Variants in NETO2 observed in about 807,000 individuals in gnomAD.
NETO2 encodes neuropilin and tolloid-like protein 2.
In NETO2, 28 loss-of-function variants were observed where a neutral mutation model predicts 62.5. That is an observed-to-expected ratio of 0.45 (90% CI 0.33 to 0.61). NETO2 has a LOEUF of 0.61. Among genes scored for constraint, NETO2 ranks in the 20% least tolerant of loss-of-function variants. The pLI, the probability that NETO2 is intolerant of heterozygous loss-of-function variation, is 0.02. For missense variants in NETO2, 548 were observed against 643.2 expected (o/e 0.85, Z 1.60); for synonymous variants, 214 against 219.1 (o/e 0.98, Z 0.21).
chr16:47,078,918 A>C lies in NETO2; in HGVS notation c.*4303T>G, dbSNP rs890014599. ...TAATGCATTGAAGAAATTACAGAATAAATTACATTTCAATTCAGAATGATT... is the reference window on the plus strand; with the variant it reads ...TAATGCATTGAAGAAATTACAGAATCAATTACATTTCAATTCAGAATGATT... On this transcript the variant is annotated 3_prime_UTR_variant, in exon 9 of 9. Transcript: ENST00000562435. The C allele has an allele frequency of 2.0e-5, 3 of 152,332 alleles. No homozygotes were observed. Among genetic ancestry groups the C allele is most frequent in the East Asian group, 1.9e-4 (1 of 5,186 alleles). 9.4% of individuals were successfully genotyped at this position (152,332 alleles called of 1,614,324 possible).
chr16:47,122,852 T>C lies in NETO2; in HGVS notation c.526+16A>G. ...AATCAAAAATGCCAAGAGGAACAAGTGGTAATATACTAAACCTGGAATGGG... is the reference window on the plus strand; with the variant it reads ...AATCAAAAATGCCAAGAGGAACAAGCGGTAATATACTAAACCTGGAATGGG... On this transcript the variant is annotated intron_variant, in intron 5 of 8. Transcript: ENST00000562435. The C allele has an allele frequency of 6.2e-7, 1 of 1,613,914 alleles. No individual in the cohort carries two copies. Among genetic ancestry groups the C allele is most frequent in the Admixed American group, 1.7e-5 (1 of 59,994 alleles).
chr16:47,101,063 G>A (rs1489212309), intron 7 of NETO2, among the ~76,000 whole-genome samples: 1 of 152,130 alleles, frequency 6.6e-6, no homozygotes, highest in African/African-American at 2.4e-5. Flanking sequence ...TAAAATACTG[G>A]CAAACTAAAT....
chr16:47,132,828 C>T (rs537359457), intron 1 of NETO2, among the ~76,000 whole-genome samples: 7 of 152,218 alleles, frequency 4.6e-5, no homozygotes, highest in Non-Finnish European at 7.4e-5. Context: ...AGAGAGAAAT[C>T]GAGCAAAATG....
intron 7 of NETO2, among the ~76,000 whole-genome samples, chr16:47,087,449 G>C (rs1274588717): frequency 1.3e-5 from 2 of 152,206 alleles, no homozygotes; most frequent in East Asian, 3.8e-4. Flanking sequence ...AAAAGAGGAA[G>C]GAATGGGGAG....
At chr16:47,139,378 C>G (rs1387055092) in intron 1 of NETO2, among the ~76,000 whole-genome samples, 2 of 152,154 alleles carry the variant, frequency 1.3e-5, no homozygotes, top group African/African-American at 4.8e-5. Context: ...TCCTGAGATA[C>G]CCTGCCACCA....
At chr16:47,124,013 A>G (rs1330271505) in intron 4 of NETO2, among the ~76,000 whole-genome samples, 1 of 152,226 alleles carries the variant, frequency 6.6e-6, no homozygotes, top group African/African-American at 2.4e-5. Flanking sequence ...ATCTATTTCA[A>G]TACGCAATTT....
intron 7 of NETO2, among the ~76,000 whole-genome samples, chr16:47,097,319 C>T (rs930620694): frequency 3.3e-5 from 5 of 152,294 alleles, no homozygotes; most frequent in Admixed American, 6.5e-5. Flanking sequence ...TGACCTGGGA[C>T]GCTTGAGCTT....
intron 7 of NETO2, among the ~76,000 whole-genome samples, chr16:47,105,471 C>CA (rs1202879529): frequency 6.6e-5 from 10 of 151,578 alleles, no homozygotes; most frequent in Admixed American, 1.3e-4. Flanking sequence ...AAAACAACAA[C>CA]AAAAAAAACC....
At position 47,083,468 on chromosome 16, in the gene NETO2, G is replaced by A; in HGVS notation, c.1331C>T (p.Ala444Val). 1.2e-6 allele frequency: 2 copies of A among 1,614,212 alleles called. No homozygotes were observed. Among genetic ancestry groups the A allele is most frequent in the East Asian group, 2.2e-5 (1 of 44,884 alleles). The change falls in exon 9 of 9, where the codon GCC (alanine) becomes GTC (valine). Residue 444 changes from alanine (A) to valine (V), a missense_variant. Coordinates refer to ENST00000562435, the MANE Select transcript of NETO2 (RefSeq NM_018092.5). ...CIHDHHCGSQ[A>V]SSVKQSRTNL... is the part of the protein sequence containing the mutation. ...GGTCCTGCTTTGTTTGACGCTGGAG[G>A]CCTGCGACCCACAGTGGTGGTCGTG...
At chr16:47,099,544 G>C (rs1057092219) in intron 7 of NETO2, among the ~76,000 whole-genome samples, 1 of 152,112 alleles carries the variant, frequency 6.6e-6, no homozygotes, top group Non-Finnish European at 1.5e-5. Flanking sequence ...AGACCCATCA[G>C]TGTGCTGTAT....
intron 7 of NETO2, among the ~76,000 whole-genome samples, chr16:47,087,498 C>A (rs1323234701): frequency 6.6e-6 from 1 of 152,062 alleles, no homozygotes; most frequent in African/African-American, 2.4e-5. Context: ...TTTGGGAAGA[C>A]AAAAACTTTC....
intron 1 of NETO2, among the ~76,000 whole-genome samples, chr16:47,141,547 C>T (rs1233396559): frequency 6.6e-6 from 1 of 151,892 alleles, no homozygotes; most frequent in African/African-American, 2.4e-5. Context: ...TTTTAATCCC[C>T]TAGATTTCCG....
chr16:47,100,884 G>T (rs1963527013), intron 7 of NETO2, among the ~76,000 whole-genome samples: 2 of 152,196 alleles, frequency 1.3e-5, no homozygotes. Flanking sequence ...ACAAAGTGGA[G>T]CTGGTACCAT....
intron 8 of NETO2, among the ~76,000 whole-genome samples, chr16:47,085,629 C>T (rs755069168): frequency 6.6e-6 from 1 of 151,986 alleles, no homozygotes; most frequent in Non-Finnish European, 1.5e-5. Flanking sequence ...GGTGATCCGC[C>T]TGCCTCAGCC....
chr16:47,113,722 G>C (rs951607100), intron 6 of NETO2, among the ~76,000 whole-genome samples: 12 of 150,838 alleles, frequency 8.0e-5, no homozygotes, highest in Admixed American at 6.7e-4. Flanking sequence ...CTCCCAAGTA[G>C]CTGGGATTAC....
At chr16:47,095,002 C>T (rs1963401721) in intron 7 of NETO2, among the ~76,000 whole-genome samples, 1 of 152,206 alleles carries the variant, frequency 6.6e-6, no homozygotes, top group African/African-American at 2.4e-5. Flanking sequence ...AGCCGCTGTG[C>T]CTGGCCTAGG....
Position 47,143,852 on chromosome 16 carries a change from C to G in NETO2, c.-240G>C. 1 of 353,896 alleles carries G rather than the reference C, an allele frequency of 2.8e-6. No homozygotes were observed. Among genetic ancestry groups the G allele is most frequent in the South Asian group, 1.3e-4 (1 of 7,450 alleles). 21.9% of individuals were successfully genotyped at this position (353,896 alleles called of 1,614,324 possible). Reference sequence around the variant, plus strand: ...CGCCTCCTGCTCCGCGGCGCCCCGTCCCATCGACCGCCCGAGGGCCGAGGA... The same window carrying G: ...CGCCTCCTGCTCCGCGGCGCCCCGTGCCATCGACCGCCCGAGGGCCGAGGA... On this transcript the variant is annotated 5_prime_UTR_variant, in exon 1 of 9. Coordinates refer to ENST00000562435, the MANE Select transcript of NETO2 (RefSeq NM_018092.5).
At chr16:47,124,120 A>T (rs1053969415) in intron 4 of NETO2, among the ~76,000 whole-genome samples, 1 of 152,206 alleles carries the variant, frequency 6.6e-6, no homozygotes, top group African/African-American at 2.4e-5. Flanking sequence ...TAAAAAGTGG[A>T]AAAAAATTAT....
chr16:47,090,305 A>G (rs1227748679), intron 7 of NETO2, among the ~76,000 whole-genome samples: 1 of 152,236 alleles, frequency 6.6e-6, no homozygotes, highest in South Asian at 2.1e-4. Flanking sequence ...TTTCATAGAA[A>G]TGTGAGTTAT....
Sources: gnomAD v4.1 joint callset for allele counts (sites outside exome capture counted in the v4.1 genomes callset) on GRCh38, gnomAD v4.1.1 for gene constraint, MANE v1.5 for transcripts, NCBI Gene and HGNC (gene_info 2026-07-23, HGNC 2026-07-21) for gene names.